The following ABRACL variants were observed in gnomAD, a reference collection of about 807,000 sequenced individuals.
ABRACL encodes costars family protein ABRACL.
A neutral mutation model predicts 7.0 loss-of-function variants in ABRACL; 4 were observed. The observed-to-expected ratio is 0.57, with a 90% CI of 0.28 to 1.30. The LOEUF is 1.30. ABRACL is among the 50% of genes most tolerant of loss of function. The probability of loss-of-function intolerance (pLI) is 0.10; values close to 1 mark genes in which losing one functional copy is unlikely to be tolerated. For missense variants in ABRACL, 104 were observed against 97.3 expected (o/e 1.07, Z -0.29); for synonymous variants, 30 against 36.0 (o/e 0.83, Z 0.60).
chr6:139,036,406 G>A lies in ABRACL; in HGVS notation c.61+2185G>A, dbSNP rs7751052. On this transcript the variant is annotated intron_variant, in intron 2 of 2. Coordinates refer to ENST00000367660, the MANE Select transcript of ABRACL (RefSeq NM_021243.3). ...TAGGGATTGGTACATGGATATCTTCGGGGGCCTTTATTCTTCCTACTATTC... is the reference window on the plus strand; with the variant it reads ...TAGGGATTGGTACATGGATATCTTCAGGGGCCTTTATTCTTCCTACTATTC... Among the ~76,000 whole-genome samples the A allele has an allele frequency of 3.1e-3, 478 of 152,096 alleles. 5 individuals are homozygous for A. Among genetic ancestry groups the A allele is most frequent in the African/African-American group, 0.011 (460 of 41,466 alleles).
chr6:139,029,311 A>T (rs1786042339), intron 1 of ABRACL, among the ~76,000 whole-genome samples: 1 of 151,964 alleles, frequency 6.6e-6, no homozygotes, highest in Non-Finnish European at 1.5e-5. Flanking sequence ...GCAGCGCCGG[A>T]GGTGGGTGCG....
rs1786271659 is a variant in ABRACL, at chr6:139,042,764, A to G, written c.107A>G (p.Asp36Gly). ...LSVKFGVLFR[D>G]DKCANLFEAL... ...GTGAAATTTGGGGTCCTCTTCCGTG[A>G]TGATAAATGTGCCAACCTCTTTGAA... Residue 36 changes from aspartate to glycine, a missense_variant, in exon 3 of 3, where the codon GAT becomes GGT. Coordinates refer to ENST00000367660, the MANE Select transcript of ABRACL (RefSeq NM_021243.3). The G allele has an allele frequency of 1.9e-6, 3 of 1,613,406 alleles. No individual in the cohort carries two copies. Among genetic ancestry groups the G allele is most frequent in the Non-Finnish European group, 2.5e-6 (3 of 1,179,870 alleles).
chr6:139,028,922 T>G (rs1786033668), intron 1 of ABRACL, 47 bp downstream of exon 1: 1 of 152,074 alleles, frequency 6.6e-6, no homozygotes, highest in Non-Finnish European at 1.5e-5. Flanking sequence ...AGGGATGGAC[T>G]GGGTGTCCGT....
intron 2 of ABRACL, among the ~76,000 whole-genome samples, chr6:139,038,117 A>G (rs1010945810): frequency 6.6e-6 from 1 of 152,204 alleles, no homozygotes; most frequent in Admixed American, 6.5e-5. Flanking sequence ...TGTTACAGGC[A>G]TATTTCCAAA....
chr6:139,041,455 A>ATTTC (rs1786246426), intron 2 of ABRACL, among the ~76,000 whole-genome samples: 1 of 80,508 alleles, frequency 1.2e-5, no homozygotes, highest in African/African-American at 3.7e-5. Context: ...CTCTCTCTAT[A>ATTTC]TATATATATA....
At chr6:139,029,080 C>G (rs1172631557) in intron 1 of ABRACL, among the ~76,000 whole-genome samples, 1 of 152,162 alleles carries the variant, frequency 6.6e-6, no homozygotes, top group Non-Finnish European at 1.5e-5. Context: ...ACGCCCCCAC[C>G]TCTCGGGTCG....
rs751142655 is a variant in ABRACL at position 139,042,781 on chromosome 6, C to A, written c.124C>A (p.Leu42Ile). Residue 42 changes from leucine to isoleucine, a missense_variant, in exon 3 of 3, where the codon CTC becomes ATC. Coordinates refer to ENST00000367660, the MANE Select transcript of ABRACL (RefSeq NM_021243.3). ...VLFRDDKCANLFEALVGTLKA... is the reference protein window; with the variant it reads ...VLFRDDKCANIFEALVGTLKA... ...CTTCCGTGATGATAAATGTGCCAAC[C>A]TCTTTGAAGCATTGGTAGGAACTCT... The A allele has an allele frequency of 3.1e-6, 5 of 1,613,976 alleles. No individual in the cohort carries two copies. Among genetic ancestry groups the A allele is most frequent in the Non-Finnish European group, 4.2e-6 (5 of 1,179,962 alleles).
rs1786270305 is a variant in ABRACL, at chr6:139,042,699, A to C, written c.62-20A>C. The stretch of plus-strand genomic sequence containing the variant: ...TGAAACAGACTTTGCATTTGCTAAC[A>C]ATGTATTTTCTCAAACTAGATGCTG... On this transcript the variant is annotated intron_variant, in intron 2 of 2. Coordinates refer to ENST00000367660, the MANE Select transcript of ABRACL (RefSeq NM_021243.3). 6 of 1,600,796 alleles carry C rather than the reference A, an allele frequency of 3.7e-6. No homozygotes were observed. In the Admixed American group the frequency reaches 8.6e-5, roughly 23 times the overall value.
intron 2 of ABRACL, among the ~76,000 whole-genome samples, chr6:139,040,473 A>G (rs1786227793): frequency 6.6e-6 from 1 of 152,204 alleles, no homozygotes; most frequent in Non-Finnish European, 1.5e-5. Flanking sequence ...AATTTACTGT[A>G]TGCTGGGGAC....
At chr6:139,036,265 C>CTT (rs1421196623) in intron 2 of ABRACL, among the ~76,000 whole-genome samples, 5 of 152,012 alleles carry the variant, frequency 3.3e-5, no homozygotes, top group Non-Finnish European at 5.9e-5. Flanking sequence ...GTTTTAAGGA[C>CTT]TTTTTGGATT....
intron 1 of ABRACL, among the ~76,000 whole-genome samples, chr6:139,030,399 A>G (rs1371879356): frequency 1.3e-5 from 2 of 152,066 alleles, no homozygotes; most frequent in Admixed American, 6.6e-5. Context: ...GTTTATACCC[A>G]TCAACCTCTC....
chr6:139,029,145 C>T (rs896276210), intron 1 of ABRACL, among the ~76,000 whole-genome samples: 2 of 152,108 alleles, frequency 1.3e-5, no homozygotes, highest in Non-Finnish European at 2.9e-5. Context: ...ACTGGGAAGC[C>T]GGCAGAAATG....
At position 139,037,560 on chromosome 6, in the gene ABRACL, C is replaced by G. The variant is rs374584186; in HGVS notation, c.61+3339C>G. On this transcript the variant is annotated intron_variant, in intron 2 of 2. Coordinates refer to ENST00000367660, the MANE Select transcript of ABRACL (RefSeq NM_021243.3). ...ACAGGCGTGAGCCACTTCATCTGGC[C>G]ATAATGTATTTAGTTTCCTAATCAA... Among the ~76,000 whole-genome samples, 7 of 152,104 alleles carry G rather than the reference C, an allele frequency of 4.6e-5. No individual in the cohort carries two copies. The East Asian group carries it at 1.4e-3, about 29-fold the overall frequency.
intron 1 of ABRACL, among the ~76,000 whole-genome samples, chr6:139,032,663 C>G (rs1021192916): frequency 2.6e-5 from 4 of 152,136 alleles, no homozygotes; most frequent in African/African-American, 9.7e-5. Flanking sequence ...GTTGTTTCTT[C>G]CAAATTATCA....
At chr6:139,038,709 G>C (rs898872635) in intron 2 of ABRACL, among the ~76,000 whole-genome samples, 1 of 152,046 alleles carries the variant, frequency 6.6e-6, no homozygotes, top group African/African-American at 2.4e-5. Context: ...CTCCATCTTT[G>C]AGGTCCTCTT....
chr6:139,034,206 C>T lies in ABRACL; in HGVS notation c.46C>T (p.Arg16Cys), dbSNP rs889434302. 39 of 1,614,150 alleles carry T rather than the reference C, an allele frequency of 2.4e-5. No individual in the cohort carries two copies. Among genetic ancestry groups the T allele is most frequent in the East Asian group, 4.5e-5 (2 of 44,892 alleles). The change falls in exon 2 of 3, where the codon CGT becomes TGT. Residue 16 changes from arginine to cysteine, a missense_variant. Physicochemically the swap from Arg to Cys is radical, Grantham distance 180. Transcript: ENST00000367660. Reference sequence around the variant, plus strand: ...TAACCTCTTAGTGGAGGAAATTCATCGTTTGGGTTCAAAAAGTAAGTATCT... The same window carrying T: ...TAACCTCTTAGTGGAGGAAATTCATTGTTTGGGTTCAAAAAGTAAGTATCT... The part of the protein sequence containing the change: ...EVNLLVEEIH[R>C]LGSKNADGKL...
At chr6:139,031,420 G>A (rs1307382821) in intron 1 of ABRACL, among the ~76,000 whole-genome samples, 1 of 151,692 alleles carries the variant, frequency 6.6e-6, no homozygotes, top group East Asian at 1.9e-4. Flanking sequence ...TTTTTGTTTT[G>A]TTTTTAAAGC....
At chr6:139,037,041 G>T (rs1233902930) in intron 2 of ABRACL, among the ~76,000 whole-genome samples, 1 of 151,454 alleles carries the variant, frequency 6.6e-6, no homozygotes, top group Non-Finnish European at 1.5e-5. Context: ...AAAAAAAATG[G>T]TATGCTGAAC....
At chr6:139,031,815 G>T (rs1315172693) in intron 1 of ABRACL, among the ~76,000 whole-genome samples, 3 of 152,164 alleles carry the variant, frequency 2.0e-5, no homozygotes, top group African/African-American at 7.2e-5. Flanking sequence ...CCCAGGGTAA[G>T]ACTCTACCCA....
Sources: allele counts gnomAD v4.1 joint callset (sites outside exome capture counted in the v4.1 genomes callset), GRCh38; gene constraint gnomAD v4.1.1; transcripts MANE v1.5; gene names NCBI Gene and HGNC (gene_info 2026-07-23, HGNC 2026-07-21).